The following OPN1SW variants were observed in gnomAD, a reference collection of about 807,000 sequenced individuals.
OPN1SW encodes the protein opsin 1, short wave sensitive, also known as short-wave-sensitive opsin 1.
OPN1SW carries 25 observed loss-of-function variants against 31.9 expected under a neutral mutation model. The ratio of observed to expected loss-of-function variants is 0.78; its 90% CI spans 0.57 to 1.09. The LOEUF is 1.09. OPN1SW is among the 50% of genes least tolerant of loss of function. The pLI, the probability that OPN1SW is intolerant of heterozygous loss-of-function variation, is 0.00. For synonymous variants in OPN1SW, 190 were observed against 171.9 expected (o/e 1.11, Z -0.82); for missense variants, 424 against 448.0 (o/e 0.95, Z 0.48).
At chr7:128,774,880 CT>C in intron 2 of OPN1SW, 105 bp downstream of exon 2, 1 of 1,492,690 alleles carries the variant, frequency 6.7e-7, no homozygotes, top group Non-Finnish European at 9.2e-7. Context: ...TATTGCAACT[CT>C]TTAAAAGTAG....
intron 3 of OPN1SW, 21 bp downstream of exon 3, chr7:128,774,477 T>C (rs773353839): frequency 1.2e-6 from 2 of 1,613,204 alleles, no homozygotes; most frequent in Non-Finnish European, 1.7e-6. Context: ...CCTTCTTCCC[T>C]GACTATCAAA....
chr7:128,773,591 A>G (rs772983926), intron 4 of OPN1SW, 58 bp downstream of exon 4: 4 of 1,612,290 alleles, frequency 2.5e-6, no homozygotes, highest in South Asian at 1.1e-5. Context: ...TTAAAAGTCA[A>G]TGGTGAGAAA....
Position 128,775,540 on chromosome 7 carries a change from C to T in OPN1SW, c.242G>A (p.Cys81Tyr), listed in dbSNP as rs1233845973. The T allele has an allele frequency of 1.2e-6, 2 of 1,614,062 alleles. No homozygotes were observed. The highest frequency in any genetic ancestry group is 1.7e-5 in the Admixed American group (1 of 60,006). Residue 81 changes from cysteine (C) to tyrosine (Y), a missense_variant, in exon 1 of 5, where the codon TGC becomes TAC. By Grantham distance (194) the Cys-to-Tyr change is radical. Coordinates refer to ENST00000249389, the MANE Select transcript of OPN1SW (RefSeq NM_001385125.1). The stretch of plus-strand genomic sequence containing the variant: ...GAAGACAGGGAAGACAGAGAAGATG[C>T]AGAGGAGGAAGCCTCCGAAGGACAC... ...VNVSFGGFLL[C>Y]IFSVFPVFVA... is the part of the protein sequence containing the mutation.
In OPN1SW at chr7:128,772,619, A is replaced by C. The variant is rs1801631857; in HGVS notation, c.959T>G (p.Met320Arg). Reference protein sequence around the residue: ...CIMKMVCGKAMTDESDTCSSQ... With the variant: ...CIMKMVCGKARTDESDTCSSQ... ...GCTGCATGTGTCGGATTCATCTGTC[A>C]TGGCCTTCCCACACACCATCTTCAT... Residue 320 changes from methionine to arginine, a missense_variant, in exon 5 of 5, where the codon ATG becomes AGG. Coordinates refer to ENST00000249389, the MANE Select transcript of OPN1SW (RefSeq NM_001385125.1). The C allele has an allele frequency of 6.2e-7, 1 of 1,614,154 alleles. No individual in the cohort carries two copies. Among genetic ancestry groups the C allele is most frequent in the South Asian group, 1.1e-5 (1 of 91,084 alleles).
Position 128,775,577 on chromosome 7 carries a change from T to C in OPN1SW, c.205A>G (p.Ile69Val), listed in dbSNP as rs778250238. 53 of 1,613,948 alleles carry C rather than the reference T, an allele frequency of 3.3e-5. No homozygotes were observed. Among genetic ancestry groups the C allele is most frequent in the Non-Finnish European group, 4.2e-5 (50 of 1,180,014 alleles). ...CCTCCGAAGGACACGTTGACCAGAA[T>C]GTAGTTGAGGGGCTGCCGCAACTTT... ...YKKLRQPLNY[I>V]LVNVSFGGFL... Residue 69 changes from isoleucine (I) to valine (V), a missense_variant, in exon 1 of 5, where the codon ATT (isoleucine) becomes GTT (valine). Ile to Val is a conservative substitution (Grantham distance 29). Transcript: ENST00000249389.
intron 3 of OPN1SW, 71 bp downstream of exon 3, chr7:128,774,427 G>A: frequency 6.3e-7 from 1 of 1,586,760 alleles, no homozygotes; most frequent in Admixed American, 1.7e-5. Flanking sequence ...GGCATCTTAT[G>A]TTTCAGAGCA....
intron 2 of OPN1SW, 36 bp from the exon 3 acceptor site, chr7:128,774,699 C>T (rs1801720931): frequency 6.2e-7 from 1 of 1,612,278 alleles, no homozygotes; most frequent in Non-Finnish European, 8.5e-7. Context: ...CTGGACTCTC[C>T]ACAAGAGTGC....
chr7:128,775,012 G>C lies in OPN1SW; in HGVS notation c.486C>G (p.Ser162=), dbSNP rs765858867. ...LATWTIGIGV[S]IPPFFGWSRF... The stretch of plus-strand genomic sequence containing the variant: ...GGCTCCAGCCAAAGAAGGGTGGGAT[G>C]GAGACGCCAATACCAATGGTCCAGG... The change falls in exon 2 of 5, where the codon TCC becomes TCG. Residue 162 remains serine (S), a synonymous_variant. Transcript: ENST00000249389. The C allele has an allele frequency of 1.9e-6, 3 of 1,614,210 alleles. No individual in the cohort carries two copies. Among genetic ancestry groups the C allele is most frequent in the Non-Finnish European group, 2.5e-6 (3 of 1,180,058 alleles).
chr7:128,774,583 G>T lies in OPN1SW; in HGVS notation c.593C>A (p.Thr198Lys). Residue 198 changes from threonine (T) to lysine (K), a missense_variant, in exon 3 of 5, where the codon ACG becomes AAG. Thr to Lys is a moderately conservative substitution (Grantham distance 78). Transcript: ENST00000249389. ...GAAGCAGAAGATGAAGAGGAACCAC[G>T]TATAGGACTCGCTGCGGTATTTGGT... ...VGTKYRSESY[T>K]WFLFIFCFIV... 1 of 1,614,124 alleles carries T rather than the reference G, an allele frequency of 6.2e-7. No homozygotes were observed. Among genetic ancestry groups the T allele is most frequent in the African/African-American group, 1.3e-5 (1 of 75,036 alleles).
At chr7:128,772,727 C>A in intron 4 of OPN1SW, 68 bp from the exon 5 acceptor site, 4 of 1,600,158 alleles carry the variant, frequency 2.5e-6, no homozygotes, top group Non-Finnish European at 3.4e-6. Context: ...AGACCTTATT[C>A]TCTGTATCAC....
rs1801699001 is a variant in OPN1SW, at chr7:128,773,992, C to T, written c.679-104G>A. ...TAATTTTTAATTTTCTTTTTGAGAC[C>T]GAGTCTCGCTCTGTTGCCCAGGCTG... is the stretch of plus-strand genomic sequence containing the variant. On this transcript the variant is annotated intron_variant, in intron 3 of 4. Coordinates refer to ENST00000249389, the MANE Select transcript of OPN1SW (RefSeq NM_001385125.1). 1.4e-5 allele frequency: 19 copies of T among 1,395,518 alleles called. 1 individual carries two copies. Among genetic ancestry groups the T allele is most frequent in the South Asian group, 8.6e-5 (6 of 70,078 alleles). 86.4% of individuals were successfully genotyped at this position (1,395,518 alleles called of 1,614,324 possible). A position where few individuals can be genotyped will look rare whatever the true frequency, so the allele number is the denominator to read the frequency against.
At position 128,775,626 on chromosome 7, in the gene OPN1SW, C is replaced by T. The variant is rs1180548242; in HGVS notation, c.156G>A (p.Val52=). 2.5e-6 allele frequency: 4 copies of T among 1,614,020 alleles called. No homozygotes were observed. The highest frequency in any genetic ancestry group is 1.7e-5 in the Admixed American group (1 of 59,998). Residue 52 remains valine (V), a synonymous_variant, in exon 1 of 5, where the codon GTG becomes GTA. Transcript: ENST00000249389. Reference sequence around the variant, plus strand: ...TTTTGTAGCGCAGTGTGGCCACCAGCACCATGGCATTGAGTGGGAACCCTA... The same window carrying T: ...TTTTGTAGCGCAGTGTGGCCACCAGTACCATGGCATTGAGTGGGAACCCTA... The part of the protein sequence containing the change: ...FLIGFPLNAM[V]LVATLRYKKL...
chr7:128,773,349 G>T (rs943322435), intron 4 of OPN1SW, among the ~76,000 whole-genome samples: 2 of 152,118 alleles, frequency 1.3e-5, no homozygotes, highest in Non-Finnish European at 2.9e-5. Flanking sequence ...ATAGGTAAAC[G>T]TGTGCCATGG....
intron 4 of OPN1SW, among the ~76,000 whole-genome samples, chr7:128,773,434 T>G (rs1801675425): frequency 6.6e-6 from 1 of 152,216 alleles, no homozygotes; most frequent in Non-Finnish European, 1.5e-5. Context: ...TTTTCCTGAC[T>G]CAAGTTCTTT....
intron 4 of OPN1SW, 89 bp from the exon 5 acceptor site, chr7:128,772,748 C>T (rs1801638438): frequency 3.9e-6 from 6 of 1,546,890 alleles, no homozygotes; most frequent in South Asian, 1.1e-5. Context: ...CAAAGCCTTG[C>T]ACAATGCTTT....
chr7:128,774,753 C>A, intron 2 of OPN1SW, 90 bp from the exon 3 acceptor site: 1 of 1,559,468 alleles, frequency 6.4e-7, no homozygotes, highest in East Asian at 2.3e-5. Flanking sequence ...ACTTAGAACC[C>A]ACGGAATGCC....
At chr7:128,775,368 C>T (rs553496521) in intron 1 of OPN1SW, 71 bp downstream of exon 1, 473 of 1,481,344 alleles carry the variant, frequency 3.2e-4, no homozygotes, top group Non-Finnish European at 4.0e-4. Flanking sequence ...CCCCCAGACT[C>T]CTCTTTAGGA....
Position 128,775,136 on chromosome 7 carries a change from G to T in OPN1SW, c.362C>A (p.Ser121Ter). The change falls in exon 2 of 5, where the codon TCA becomes TAA. Residue 121 changes from serine (S) to a stop codon, truncating the protein, a stop_gained. Coordinates refer to ENST00000249389, the MANE Select transcript of OPN1SW (RefSeq NM_001385125.1). LOFTEE classifies it high-confidence loss of function. The part of the protein sequence containing the change: ...GTVAGLVTGW[S>*]LAFLAFERYI... ...GCGCTCAAAGGCCAGGAAGGCCAGT[G>T]ACCATCCTGTAACCAGACCTGTGGT... The T allele has an allele frequency of 6.2e-7, 1 of 1,614,136 alleles. No individual in the cohort carries two copies. Among genetic ancestry groups the T allele is most frequent in the Non-Finnish European group, 8.5e-7 (1 of 1,180,040 alleles).
intron 4 of OPN1SW, among the ~76,000 whole-genome samples, chr7:128,773,281 A>AT (rs923789160): frequency 1.3e-5 from 2 of 152,114 alleles, no homozygotes; most frequent in Non-Finnish European, 2.9e-5. Context: ...TTTTATTTTT[A>AT]TTTTTTTAAT....
Sources: gnomAD v4.1 joint callset for allele counts (sites outside exome capture counted in the v4.1 genomes callset) on GRCh38, gnomAD v4.1.1 for gene constraint, MANE v1.5 for transcripts, NCBI Gene and HGNC (gene_info 2026-07-23, HGNC 2026-07-21) for gene names.